STK32B: variants seen among roughly 807,000 people sequenced by gnomAD.
STK32B encodes the protein serine/threonine kinase 32B, also known as serine/threonine-protein kinase 32B.
A neutral mutation model predicts 52.6 loss-of-function variants in STK32B; 43 were observed. The observed-to-expected ratio is 0.82, with a 90% CI of 0.64 to 1.05. STK32B has a LOEUF of 1.05. STK32B is among the 50% of genes least tolerant of loss of function. The probability of loss-of-function intolerance (pLI) is 0.00; values close to 1 mark genes in which losing one functional copy is unlikely to be tolerated. For missense variants in STK32B, 621 were observed against 534.6 expected, an observed-to-expected ratio of 1.16 and a Z score of -1.59; for synonymous variants, 238 against 204.3, an observed-to-expected ratio of 1.17 and a Z score of -1.41.
intron 4 of STK32B, among the ~76,000 whole-genome samples, chr4:5,357,937 A>G (rs562567247): frequency 1.3e-5 from 2 of 152,290 alleles, no homozygotes; most frequent in South Asian, 4.2e-4. Flanking sequence ...GGTCATATCA[A>G]CTAGAAAGAA....
intron 2 of STK32B, among the ~76,000 whole-genome samples, chr4:5,158,221 T>C (rs1718021965): frequency 6.6e-6 from 1 of 152,144 alleles, no homozygotes; most frequent in African/African-American, 2.4e-5. Context: ...AGCAGCCAAG[T>C]GTTCTCAGGC....
At chr4:5,448,551 G>T (rs1577520032) in intron 7 of STK32B, among the ~76,000 whole-genome samples, 1 of 152,242 alleles carries the variant, frequency 6.6e-6, no homozygotes, top group Non-Finnish European at 1.5e-5. Context: ...ATGGGTCAGT[G>T]CAATCAAAGA....
chr4:5,335,216 G>T (rs1428520343), intron 4 of STK32B, among the ~76,000 whole-genome samples: 2 of 152,182 alleles, frequency 1.3e-5, no homozygotes, highest in African/African-American at 4.8e-5. Flanking sequence ...GAGGGTGTAT[G>T]TGTCGAGGAA....
At chr4:5,253,102 C>T (rs376089136) in intron 3 of STK32B, among the ~76,000 whole-genome samples, 1 of 152,084 alleles carries the variant, frequency 6.6e-6, no homozygotes, top group Non-Finnish European at 1.5e-5. Context: ...AATTTGGCCT[C>T]AACTCTTTCC....
At chr4:5,309,223 C>G (rs28829962) in intron 3 of STK32B, among the ~76,000 whole-genome samples, 36,105 of 151,652 alleles carry the variant, frequency 0.24, 7,044 homozygotes, top group African/African-American at 0.55. Flanking sequence ...TATAAAACAG[C>G]GATGAAAGAA....
intron 3 of STK32B, among the ~76,000 whole-genome samples, chr4:5,262,031 T>C (rs1455302401): frequency 6.6e-6 from 1 of 152,212 alleles, no homozygotes; most frequent in East Asian, 1.9e-4. Context: ...TCGCTCCATT[T>C]CATTGCCTCT....
Position 5,051,881 on chromosome 4 carries a change from C to T in STK32B, c.18C>T (p.Ser6=). 1.2e-6 allele frequency: 2 copies of T among 1,600,496 alleles called. No individual in the cohort carries two copies. Among genetic ancestry groups the T allele is most frequent in the Non-Finnish European group, 1.7e-6 (2 of 1,174,014 alleles). The change falls in exon 1 of 12, where the codon TCC becomes TCT. Residue 6 remains serine, a synonymous_variant. Transcript: ENST00000282908. ...GGCGGAATATGGGCGGGAACCACTC[C>T]CACAAGCCCCCCGTGTTTGACGAGA... is the stretch of plus-strand genomic sequence containing the variant. MGGNH[S]HKPPVFDENE...
chr4:5,225,829 G>T (rs903219779), intron 3 of STK32B, among the ~76,000 whole-genome samples: 4 of 152,218 alleles, frequency 2.6e-5, no homozygotes, highest in Non-Finnish European at 5.9e-5. Context: ...CATGGAAGAG[G>T]GAAATAGTTT....
chr4:5,366,778 A>G (rs1734905577), intron 4 of STK32B, among the ~76,000 whole-genome samples: 1 of 152,204 alleles, frequency 6.6e-6, no homozygotes, highest in Non-Finnish European at 1.5e-5. Context: ...GAGTTTGGAA[A>G]GCAAATCTGA....
At chr4:5,484,416 C>T (rs1003125112) in intron 11 of STK32B, among the ~76,000 whole-genome samples, 10 of 152,238 alleles carry the variant, frequency 6.6e-5, no homozygotes, top group Admixed American at 1.3e-4. Context: ...GCAACCTCTG[C>T]CTTTTTTTGT....
At chr4:5,291,968 C>G (rs1728920610) in intron 3 of STK32B, among the ~76,000 whole-genome samples, 1 of 152,078 alleles carries the variant, frequency 6.6e-6, no homozygotes, top group Non-Finnish European at 1.5e-5. Context: ...GATAGCAAAC[C>G]TAGTACCCAA....
At chr4:5,445,744 C>T (rs780450051) in intron 6 of STK32B, among the ~76,000 whole-genome samples, 2 of 152,110 alleles carry the variant, frequency 1.3e-5, no homozygotes, top group Non-Finnish European at 2.9e-5. Context: ...TTATGAGCAC[C>T]GCCTCTGTCT....
Position 5,051,579 on chromosome 4 carries a change from G to A in STK32B, c.-285G>A. On this transcript the variant is annotated 5_prime_UTR_variant, in exon 1 of 12. Coordinates refer to ENST00000282908, the MANE Select transcript of STK32B (RefSeq NM_018401.3). The stretch of plus-strand genomic sequence containing the variant: ...TGGCCCCGGCGCGAGGAGCTCCCGG[G>A]TTCCCGGGCGGGCACTGGAGTAAGG... The A allele has an allele frequency of 2.5e-6, 1 of 403,436 alleles. No individual in the cohort carries two copies. The allele number at this position is 403,436 out of a possible 1,614,324, so 25.0% of individuals were successfully genotyped here.
intron 4 of STK32B, among the ~76,000 whole-genome samples, chr4:5,382,249 T>C (rs1338595602): frequency 6.6e-6 from 1 of 152,180 alleles, no homozygotes; most frequent in Non-Finnish European, 1.5e-5. Context: ...ACTCATAAAG[T>C]TAACCATCCC....
chr4:5,490,731 A>T (rs1719653246), intron 11 of STK32B, among the ~76,000 whole-genome samples: 1 of 151,408 alleles, frequency 6.6e-6, no homozygotes, highest in South Asian at 2.1e-4. Context: ...CCAACTCTCC[A>T]CCCCACAACA....
chr4:5,241,291 T>C lies in STK32B; in HGVS notation c.260+72841T>C, dbSNP rs557311117. 6.6e-5 allele frequency among the ~76,000 whole-genome samples: 10 copies of C among 152,326 alleles called. No individual in the cohort carries two copies. The South Asian group carries it at 2.1e-3, about 32-fold the overall frequency. On this transcript the variant is annotated intron_variant, in intron 3 of 11. Coordinates refer to ENST00000282908, the MANE Select transcript of STK32B (RefSeq NM_018401.3). ...TATCTGGGTTTTGGTATCAAGATGA[T>C]ATACCAGTATAATAAAAAGATTTGA...
intron 3 of STK32B, among the ~76,000 whole-genome samples, chr4:5,186,395 G>C (rs898205817): frequency 6.6e-6 from 1 of 152,150 alleles, no homozygotes; most frequent in Non-Finnish European, 1.5e-5. Context: ...ATGTAGTGCT[G>C]TTAAGGGCCC....
chr4:5,275,732 G>A (rs976443886), intron 3 of STK32B, among the ~76,000 whole-genome samples: 7 of 152,032 alleles, frequency 4.6e-5, no homozygotes, highest in African/African-American at 1.4e-4. Flanking sequence ...AGTTAAAGAC[G>A]TTCTGGAAGT....
At chr4:5,318,127 G>T (rs573656163) in intron 3 of STK32B, among the ~76,000 whole-genome samples, 10 of 151,780 alleles carry the variant, frequency 6.6e-5, no homozygotes, top group African/African-American at 2.4e-4. Flanking sequence ...GTGCACGCTT[G>T]TGTGAATGCA....
Sources: allele counts gnomAD v4.1 joint callset (sites outside exome capture counted in the v4.1 genomes callset), GRCh38; gene constraint gnomAD v4.1.1; transcripts MANE v1.5; gene names NCBI Gene and HGNC (gene_info 2026-07-23, HGNC 2026-07-21).